Variants in MTAP observed in about 807,000 individuals in gnomAD.
MTAP encodes methylthioadenosine phosphorylase.
A neutral mutation model predicts 33.6 loss-of-function variants in MTAP; 33 were observed. The ratio of observed to expected loss-of-function variants is 0.98; its 90% CI spans 0.74 to 1.31. MTAP has a LOEUF of 1.31. Among genes scored for constraint, MTAP ranks in the 40% most tolerant of loss-of-function variants. The probability of loss-of-function intolerance (pLI) is 0.00; values close to 1 mark genes in which losing one functional copy is unlikely to be tolerated. For synonymous variants in MTAP, 148 were observed against 125.7 expected (o/e 1.18, Z -1.19); for missense variants, 367 against 360.0 (o/e 1.02, Z -0.16).
chr9:21,859,492 A>G (rs747268241), intron 7 of MTAP, 67 bp downstream of exon 7: 387 of 1,511,656 alleles, frequency 2.6e-4, no homozygotes, highest in Admixed American at 3.7e-4. Flanking sequence ...TCTTACTTGC[A>G]TTTCACCTTT....
At chr9:21,912,210 G>A (rs921248837) in intron 1 of MTAP, among the ~76,000 whole-genome samples, 2 of 152,160 alleles carry the variant, frequency 1.3e-5, no homozygotes, top group African/African-American at 2.4e-5. Context: ...GGTACAAAGA[G>A]GAGCTGGTAC....
chr9:21,827,502 A>C (rs1824852132), intron 4 of MTAP, among the ~76,000 whole-genome samples: 1 of 152,256 alleles, frequency 6.6e-6, no homozygotes, highest in Non-Finnish European at 1.5e-5. Flanking sequence ...GTTGAATATC[A>C]GCAGTTTCAT....
chr9:21,865,298 G>A lies in MTAP; in HGVS notation c.*3284G>A, dbSNP rs1424248122. 7 of 468,388 alleles carry A rather than the reference G, an allele frequency of 1.5e-5. No individual in the cohort carries two copies. Among genetic ancestry groups the A allele is most frequent in the East Asian group, 1.5e-4 (1 of 6,472 alleles). 29.0% of individuals were successfully genotyped at this position (468,388 alleles called of 1,614,324 possible). A position where few individuals can be genotyped will look rare whatever the true frequency, so the allele number is the denominator to read the frequency against. ...TTCCTGCCATCATGTGAAGAAGGAC[G>A]TGTTTGTTTCCCCTTCTGCCACGAT... is the stretch of plus-strand genomic sequence containing the variant. On this transcript the variant is annotated 3_prime_UTR_variant, in exon 8 of 8. Coordinates refer to ENST00000644715, the MANE Select transcript of MTAP (RefSeq NM_002451.4).
chr9:21,807,486 A>T lies in MTAP; in HGVS notation c.33+4705A>T, dbSNP rs144716281. Among the ~76,000 whole-genome samples, 486 of 152,296 alleles carry T rather than the reference A, an allele frequency of 3.2e-3. 1 individual carries two copies. The highest frequency in any genetic ancestry group is 4.9e-3 in the Non-Finnish European group (331 of 68,016). On this transcript the variant is annotated intron_variant, in intron 1 of 7. Transcript: ENST00000644715. ...GGGACACAAGGGCATTTTGGGCAGG[A>T]CAATTATTTCTTTTGTAGGACTGTC...
At chr9:21,880,928 A>G (rs1818000434) in intron 1 of MTAP, among the ~76,000 whole-genome samples, 3 of 152,016 alleles carry the variant, frequency 2.0e-5, no homozygotes, top group Non-Finnish European at 1.5e-5. Context: ...TTTCCATGAA[A>G]TCTCAAAGGA....
downstream of MTAP, among the ~76,000 whole-genome samples, chr9:21,870,870 T>C (rs955476213): frequency 2.7e-5 from 4 of 149,656 alleles, no homozygotes; most frequent in East Asian, 7.9e-4. Context: ...ACCTCCCAGG[T>C]TCAAGCAATT....
At chr9:21,875,247 C>A (rs935931759) in intron 1 of MTAP, among the ~76,000 whole-genome samples, 7 of 152,104 alleles carry the variant, frequency 4.6e-5, no homozygotes, top group Admixed American at 1.3e-4. Context: ...CTTGAGGAAT[C>A]ACCACACTGT....
At chr9:21,838,330 A>G (rs1161998589) in intron 5 of MTAP, among the ~76,000 whole-genome samples, 2 of 152,188 alleles carry the variant, frequency 1.3e-5, no homozygotes, top group Non-Finnish European at 2.9e-5. Flanking sequence ...ATTACTTAGG[A>G]TCAAATCTCT....
At chr9:21,826,456 G>T (rs1824804330) in intron 4 of MTAP, among the ~76,000 whole-genome samples, 1 of 151,488 alleles carries the variant, frequency 6.6e-6, no homozygotes, top group Non-Finnish European at 1.5e-5. Context: ...CCCTGTGTTT[G>T]CTATAAACTG....
chr9:21,835,422 C>T (rs1423298800), intron 4 of MTAP, among the ~76,000 whole-genome samples: 3 of 152,066 alleles, frequency 2.0e-5, no homozygotes, highest in Non-Finnish European at 1.5e-5. Context: ...CCTGTGTTTT[C>T]TCCATGTCAC....
intron 1 of MTAP, among the ~76,000 whole-genome samples, chr9:21,899,411 G>A (rs1372205915): frequency 6.6e-6 from 1 of 151,066 alleles, no homozygotes; most frequent in African/African-American, 2.4e-5. Context: ...GAAGGGGAAG[G>A]GGAAGGGGAA....
chr9:21,876,880 A>G (rs947981367), intron 1 of MTAP, among the ~76,000 whole-genome samples: 4 of 150,858 alleles, frequency 2.7e-5, no homozygotes, highest in African/African-American at 9.7e-5. Flanking sequence ...ATTAAAAAAA[A>G]AAATTTCTGT....
At position 21,838,508 on chromosome 9, in the gene MTAP, A is replaced by G. The variant is rs534315312; in HGVS notation, c.450+498A>G. 5.9e-5 allele frequency among the ~76,000 whole-genome samples: 9 copies of G among 152,370 alleles called. No individual in the cohort carries two copies. The South Asian group carries it at 1.9e-3, about 32-fold the overall frequency. On this transcript the variant is annotated intron_variant, in intron 5 of 7. Coordinates refer to ENST00000644715, the MANE Select transcript of MTAP (RefSeq NM_002451.4). ...AGTCTCTGAACCATGCCTGTCAGTTATGGAACATCCAATGGCTGGTAACTG... is the reference window on the plus strand; with the variant it reads ...AGTCTCTGAACCATGCCTGTCAGTTGTGGAACATCCAATGGCTGGTAACTG...
intron 1 of MTAP, among the ~76,000 whole-genome samples, chr9:21,874,315 A>G (rs984058177): frequency 7.2e-5 from 11 of 152,210 alleles, no homozygotes; most frequent in Admixed American, 3.9e-4. Flanking sequence ...TATTTCCATG[A>G]TAAGAATAAA....
At chr9:21,809,862 A>C (rs930248507) in intron 1 of MTAP, among the ~76,000 whole-genome samples, 2 of 152,214 alleles carry the variant, frequency 1.3e-5, no homozygotes, top group African/African-American at 4.8e-5. Flanking sequence ...CTGTTGCTCC[A>C]CAGGCAAAGG....
intron 6 of MTAP, among the ~76,000 whole-genome samples, chr9:21,857,080 G>C (rs929907033): frequency 6.6e-6 from 1 of 152,162 alleles, no homozygotes; most frequent in African/African-American, 2.4e-5. Context: ...GGCCTGAGAG[G>C]TGGGTAGTAT....
intron 1 of MTAP, among the ~76,000 whole-genome samples, chr9:21,897,113 G>A (rs948824171): frequency 3.9e-5 from 6 of 152,132 alleles, no homozygotes; most frequent in Non-Finnish European, 5.9e-5. Flanking sequence ...TATATAAACA[G>A]AACCAAAGAC....
chr9:21,827,185 G>C (rs571973140), intron 4 of MTAP, among the ~76,000 whole-genome samples: 4 of 152,266 alleles, frequency 2.6e-5, no homozygotes, highest in African/African-American at 9.6e-5. Flanking sequence ...AGCCTCCTGG[G>C]CTGGATGGAG....
At chr9:21,934,040 C>T (rs1407958517), downstream of MTAP, 1 of 152,180 alleles carries the variant, frequency 6.6e-6, no homozygotes, top group Non-Finnish European at 1.5e-5. The surrounding 1 kb of genome is among the most constrained non-coding windows in gnomAD (Gnocchi z 5.0). Flanking sequence ...ATCAGGCAGC[C>T]TCCAGAGTTA....
Sources: allele counts gnomAD v4.1 joint callset (sites outside exome capture counted in the v4.1 genomes callset), GRCh38; gene constraint gnomAD v4.1.1; non-coding constraint Gnocchi (gnomAD v3.1); transcripts MANE v1.5; gene names NCBI Gene and HGNC (gene_info 2026-07-23, HGNC 2026-07-21).